The following SREK1IP1 variants were observed in gnomAD, a reference collection of about 807,000 sequenced individuals.
SREK1IP1 encodes protein SREK1IP1.
A neutral mutation model predicts 22.8 loss-of-function variants in SREK1IP1; 12 were observed. The ratio of observed to expected loss-of-function variants is 0.53; its 90% CI spans 0.34 to 0.85. The LOEUF (loss-of-function observed/expected upper bound fraction) is 0.85. SREK1IP1 is among the 40% of genes least tolerant of loss of function. SREK1IP1 has a pLI of 0.02. For synonymous variants in SREK1IP1, 53 were observed against 52.7 expected, an observed-to-expected ratio of 1.01 and a Z score of -0.02; for missense variants, 147 against 171.8, an observed-to-expected ratio of 0.86 and a Z score of 0.81.
intron 2 of SREK1IP1, among the ~76,000 whole-genome samples, chr5:64,753,685 G>C (rs954311486): frequency 6.6e-6 from 1 of 152,124 alleles, no homozygotes; most frequent in East Asian, 1.9e-4. Context: ...TAATTCACAC[G>C]GTCTGCAAAC....
intron 2 of SREK1IP1, among the ~76,000 whole-genome samples, chr5:64,746,994 A>C (rs1742648831): frequency 6.6e-6 from 1 of 152,184 alleles, no homozygotes; most frequent in Admixed American, 6.5e-5. Flanking sequence ...TGTTTATTAT[A>C]TAGCACGGAA....
At chr5:64,768,444 C>G in intron 1 of SREK1IP1, 61 bp downstream of exon 1, 3 of 1,612,560 alleles carry the variant, frequency 1.9e-6, no homozygotes, top group Admixed American at 1.7e-5. Context: ...CGCACCCTAC[C>G]CTACCCTCCC....
chr5:64,748,111 G>A (rs1742675568), intron 2 of SREK1IP1, among the ~76,000 whole-genome samples: 2 of 152,172 alleles, frequency 1.3e-5, no homozygotes, highest in South Asian at 4.1e-4. Context: ...TCTATCCACA[G>A]TGGAATGGAT....
At chr5:64,765,816 T>G (rs1416376217) in intron 1 of SREK1IP1, among the ~76,000 whole-genome samples, 1 of 152,240 alleles carries the variant, frequency 6.6e-6, no homozygotes, top group Admixed American at 6.5e-5. Context: ...CACATTTTCA[T>G]GTACTGCTTA....
At chr5:64,742,516 C>T (rs1212452815) in intron 2 of SREK1IP1, among the ~76,000 whole-genome samples, 1 of 152,192 alleles carries the variant, frequency 6.6e-6, no homozygotes, top group Non-Finnish European at 1.5e-5. Context: ...ATTCATTTCA[C>T]GATCCACTAA....
At chr5:64,762,303 C>G (rs1742964450) in intron 1 of SREK1IP1, among the ~76,000 whole-genome samples, 1 of 152,060 alleles carries the variant, frequency 6.6e-6, no homozygotes, top group Admixed American at 6.5e-5. Context: ...TCACAGGACC[C>G]ATTCTTTTCA....
intron 3 of SREK1IP1, among the ~76,000 whole-genome samples, chr5:64,737,824 G>A (rs1742491729): frequency 6.6e-6 from 1 of 152,142 alleles, no homozygotes; most frequent in African/African-American, 2.4e-5. Context: ...TCAACAAATT[G>A]GGTAACTTAC....
intron 1 of SREK1IP1, among the ~76,000 whole-genome samples, chr5:64,759,949 C>T (rs1742917209): frequency 6.6e-6 from 1 of 152,182 alleles, no homozygotes; most frequent in South Asian, 2.1e-4. Flanking sequence ...TACAAGTGTA[C>T]ATACCTCTCT....
At chr5:64,728,244 T>A in intron 3 of SREK1IP1, 65 bp from the exon 4 acceptor site, 1 of 1,211,426 alleles carries the variant, frequency 8.3e-7, no homozygotes, top group Non-Finnish European at 1.1e-6. Context: ...TAATATGGCA[T>A]GTATATATGT....
chr5:64,731,243 G>A (rs1043432406), intron 3 of SREK1IP1, among the ~76,000 whole-genome samples: 1 of 152,062 alleles, frequency 6.6e-6, no homozygotes, highest in Admixed American at 6.6e-5. Flanking sequence ...AGAACAATGA[G>A]AGGACTTGAG....
At chr5:64,750,754 T>C (rs1056570052) in intron 2 of SREK1IP1, among the ~76,000 whole-genome samples, 1 of 152,178 alleles carries the variant, frequency 6.6e-6, no homozygotes, top group African/African-American at 2.4e-5. Context: ...AAAACATCTA[T>C]ATCTATTCTC....
At chr5:64,736,827 T>C (rs1184989546) in intron 3 of SREK1IP1, among the ~76,000 whole-genome samples, 1 of 152,132 alleles carries the variant, frequency 6.6e-6, no homozygotes, top group African/African-American at 2.4e-5. Flanking sequence ...AAAAAACCTC[T>C]TCATTCCTGG....
At chr5:64,729,778 C>G (rs913988198) in intron 3 of SREK1IP1, among the ~76,000 whole-genome samples, 1 of 152,004 alleles carries the variant, frequency 6.6e-6, no homozygotes, top group Admixed American at 6.6e-5. Context: ...AGCAGTGCCA[C>G]TGATTAAAAT....
chr5:64,733,289 G>A (rs1742408141), intron 3 of SREK1IP1, among the ~76,000 whole-genome samples: 1 of 152,036 alleles, frequency 6.6e-6, no homozygotes, highest in Admixed American at 6.5e-5. Flanking sequence ...ACAGGTATCT[G>A]ACAAAGGACT....
chr5:64,761,944 A>G lies in SREK1IP1; in HGVS notation c.13+6561T>C, dbSNP rs1042794838. ...GAAAATATTGAGAAAACCAAAAAGA[A>G]GGGACAAAAATAAAAGGACTGAGAA... On this transcript the variant is annotated intron_variant, in intron 1 of 4. Coordinates refer to ENST00000513458, the MANE Select transcript of SREK1IP1 (RefSeq NM_173829.4). Among the ~76,000 whole-genome samples, 15 of 152,378 alleles carry G rather than the reference A, an allele frequency of 9.8e-5. 1 individual carries two copies. The highest frequency in any genetic ancestry group is 6.2e-4 in the South Asian group (3 of 4,832).
chr5:64,761,528 G>A (rs1205390280), intron 1 of SREK1IP1, among the ~76,000 whole-genome samples: 2 of 152,146 alleles, frequency 1.3e-5, no homozygotes, highest in Non-Finnish European at 2.9e-5. Context: ...AACTTGTACC[G>A]TATGTCACTG....
chr5:64,761,571 T>C (rs1742952856), intron 1 of SREK1IP1, among the ~76,000 whole-genome samples: 1 of 152,176 alleles, frequency 6.6e-6, no homozygotes, highest in Admixed American at 6.5e-5. Flanking sequence ...AACACAATGG[T>C]GAGTACTTGT....
chr5:64,730,756 T>C (rs1742364338), intron 3 of SREK1IP1, among the ~76,000 whole-genome samples: 2 of 152,098 alleles, frequency 1.3e-5, no homozygotes. Flanking sequence ...CAAAAATAAA[T>C]GCAAGCTGAG....
At chr5:64,750,593 G>T (rs1196668675) in intron 2 of SREK1IP1, among the ~76,000 whole-genome samples, 1 of 151,974 alleles carries the variant, frequency 6.6e-6, no homozygotes, top group Non-Finnish European at 1.5e-5. Flanking sequence ...TTCCCTCAAT[G>T]ACTTTCTCAA....
Sources: allele counts gnomAD v4.1 joint callset (sites outside exome capture counted in the v4.1 genomes callset), GRCh38; gene constraint gnomAD v4.1.1; transcripts MANE v1.5; gene names NCBI Gene and HGNC (gene_info 2026-07-23, HGNC 2026-07-21).